The following PCDHGB5 variants were observed in gnomAD, a reference collection of about 807,000 sequenced individuals.
PCDHGB5 encodes the protein protocadherin gamma-B5.
In PCDHGB5, 48 loss-of-function variants were observed where a neutral mutation model predicts 62.9. The ratio of observed to expected loss-of-function variants is 0.76; its 90% CI spans 0.61 to 0.97. PCDHGB5 has a LOEUF of 0.97. Among genes scored for constraint, PCDHGB5 ranks in the 50% least tolerant of loss-of-function variants. PCDHGB5 has a pLI of 0.00. For synonymous variants in PCDHGB5, 474 were observed against 511.2 expected, an observed-to-expected ratio of 0.93 and a Z score of 0.98; for missense variants, 1,118 against 1,198.6, an observed-to-expected ratio of 0.93 and a Z score of 0.99.
At chr5:141,419,432 C>T (rs2096381830) in intron 1 of PCDHGB5, 1 of 1,613,278 alleles carries the variant, frequency 6.2e-7, no homozygotes, top group East Asian at 2.2e-5. Flanking sequence ...CCACGAGCAG[C>T]TGCGCACCTT....
At position 141,511,345 on chromosome 5, in the gene PCDHGB5, T is replaced by A; in HGVS notation, c.*172T>A. The A allele has an allele frequency of 7.8e-6, 11 of 1,410,508 alleles. No individual in the cohort carries two copies. The highest frequency in any genetic ancestry group is 1.0e-5 in the Non-Finnish European group (11 of 1,060,682). 87.4% of individuals were successfully genotyped at this position (1,410,508 alleles called of 1,614,324 possible). ...AAGTGCCCAGTCAGCACCTACCCCT[T>A]CCCCCCCAGGGGGTTGAATATGCAA... On this transcript the variant is annotated 3_prime_UTR_variant, in exon 4 of 4. Transcript: ENST00000617380.
intron 1 of PCDHGB5, chr5:141,423,625 A>G (rs375112361): frequency 1.6e-5 from 25 of 1,606,754 alleles, no homozygotes; most frequent in Admixed American, 6.8e-5. Flanking sequence ...AGACTCAGCT[A>G]TCATTTTAGG....
intron 1 of PCDHGB5, chr5:141,433,151 G>T (rs2097572071): frequency 1.2e-6 from 2 of 1,614,006 alleles, no homozygotes; most frequent in African/African-American, 1.3e-5. Context: ...AGGTGATTCG[G>T]TATTTTCTAA....
At chr5:141,414,899 G>T (rs756810046) in intron 1 of PCDHGB5, 1 of 1,614,182 alleles carries the variant, frequency 6.2e-7, no homozygotes, top group Non-Finnish European at 8.5e-7. Context: ...CCCACAGACG[G>T]TTCCACAGGC....
chr5:141,447,738 A>C (rs1365302023), intron 1 of PCDHGB5, among the ~76,000 whole-genome samples: 7 of 152,216 alleles, frequency 4.6e-5, no homozygotes, highest in Non-Finnish European at 8.8e-5. Context: ...ATTGAACTTA[A>C]GAGTCTTGCA....
chr5:141,431,790 C>T lies in PCDHGB5; in HGVS notation c.2397+31266C>T, dbSNP rs2097417829. On this transcript the variant is annotated intron_variant, in intron 1 of 3. Transcript: ENST00000617380. This position sits in a 1 kb window ranked among gnomAD's most constrained non-coding sequence, Gnocchi z 4.8. The stretch of plus-strand genomic sequence containing the variant: ...ACTGTTCTGGACGTGAACGACAATG[C>T]CCCAGAAGTGGTCCTCACCTCTCTC... 4.3e-6 allele frequency: 7 copies of T among 1,614,186 alleles called. No individual in the cohort carries two copies. The highest frequency in any genetic ancestry group is 5.9e-6 in the Non-Finnish European group (7 of 1,180,016).
chr5:141,438,599 T>C (rs1320902737), intron 1 of PCDHGB5, among the ~76,000 whole-genome samples: 17 of 32,510 alleles, frequency 5.2e-4, no homozygotes, highest in African/African-American at 6.7e-4. Flanking sequence ...TACATATATA[T>C]ATATATATAT....
At position 141,477,269 on chromosome 5, in the gene PCDHGB5, G is replaced by A; in HGVS notation, c.2398-17538G>A. On this transcript the variant is annotated intron_variant, in intron 1 of 3. Coordinates refer to ENST00000617380, the MANE Select transcript of PCDHGB5 (RefSeq NM_018925.3). This position sits in a 1 kb window ranked among gnomAD's most constrained non-coding sequence, Gnocchi z 4.9. Reference sequence around the variant, plus strand: ...GACTGACCTGGATGCTGGCGAGAACGGGCTGGTGACCTGCGAAGTTCCACC... The same window carrying A: ...GACTGACCTGGATGCTGGCGAGAACAGGCTGGTGACCTGCGAAGTTCCACC... 1.9e-6 allele frequency: 3 copies of A among 1,614,154 alleles called. No individual in the cohort carries two copies. Among genetic ancestry groups the A allele is most frequent in the Non-Finnish European group, 2.5e-6 (3 of 1,180,030 alleles).
At chr5:141,402,870 C>G in intron 1 of PCDHGB5, 1 of 1,449,300 alleles carries the variant, frequency 6.9e-7, no homozygotes, top group Non-Finnish European at 9.1e-7. Flanking sequence ...AAAAGATCAC[C>G]ATACTTTGCA....
intron 1 of PCDHGB5, among the ~76,000 whole-genome samples, chr5:141,447,023 GT>G (rs5871773): frequency 0.034 from 5,146 of 151,536 alleles, 101 homozygotes; most frequent in Middle Eastern, 0.088. Flanking sequence ...GTTTTGTTTT[GT>G]TTTTTTTCTG....
At chr5:141,499,966 G>A (rs1403177792) in intron 2 of PCDHGB5, among the ~76,000 whole-genome samples, 1 of 151,988 alleles carries the variant, frequency 6.6e-6, no homozygotes, top group African/African-American at 2.4e-5. Flanking sequence ...GGGATTACAG[G>A]TGTGAGCCAC....
intron 1 of PCDHGB5, among the ~76,000 whole-genome samples, chr5:141,483,203 A>G (rs940487337): frequency 6.6e-6 from 1 of 152,204 alleles, no homozygotes; most frequent in Admixed American, 6.5e-5. Flanking sequence ...ATTTTATTCC[A>G]TATAGATGAC....
chr5:141,438,545 A>C (rs915206342), intron 1 of PCDHGB5, among the ~76,000 whole-genome samples: 4 of 140,354 alleles, frequency 2.8e-5, no homozygotes, highest in Admixed American at 7.4e-5. Flanking sequence ...TCTATATCTA[A>C]GCCCTAATAA....
At chr5:141,423,783 A>G in intron 1 of PCDHGB5, 1 of 1,264,712 alleles carries the variant, frequency 7.9e-7, no homozygotes, top group South Asian at 1.9e-5. Context: ...TATTTAGTTC[A>G]TATATATTTA....
chr5:141,467,268 G>C lies in PCDHGB5; in HGVS notation c.2398-27539G>C, dbSNP rs1195615721. On this transcript the variant is annotated intron_variant, in intron 1 of 3. Transcript: ENST00000617380. The stretch of plus-strand genomic sequence containing the variant: ...GGGTTTCACCATGTTGGCCAGGCTG[G>C]TCTCGAACTCTTGACCTCAAGTGAT... Among the ~76,000 whole-genome samples, 3 of 152,030 alleles carry C rather than the reference G, an allele frequency of 2.0e-5. No homozygotes were observed. The South Asian group carries it at 6.2e-4, about 32-fold the overall frequency.
At chr5:141,428,362 G>T (rs868168419) in intron 1 of PCDHGB5, 2 of 556,756 alleles carry the variant, frequency 3.6e-6, no homozygotes, top group Non-Finnish European at 6.6e-6. Context: ...TTTGGCGGTC[G>T]CCTTGCACCT....
Position 141,486,294 on chromosome 5 carries a change from T to C in PCDHGB5, c.2398-8513T>C, listed in dbSNP as rs764106041. The C allele has an allele frequency of 1.2e-6, 2 of 1,614,036 alleles. No homozygotes were observed. The highest frequency in any genetic ancestry group is 1.7e-6 in the Non-Finnish European group (2 of 1,179,998). On this transcript the variant is annotated intron_variant, in intron 1 of 3. Transcript: ENST00000617380. The surrounding 1 kb of genome is among the most constrained non-coding windows in gnomAD (Gnocchi z 5.0). ...GGCACTGTGGTGGCACTTATCAGTG[T>C]GCAGGATCCAGACTCAGGGTCAAAC...
At chr5:141,438,607 T>C (rs924136790) in intron 1 of PCDHGB5, among the ~76,000 whole-genome samples, 2 of 27,412 alleles carry the variant, frequency 7.3e-5, no homozygotes. Flanking sequence ...TATATATATA[T>C]ATATATATAT....
chr5:141,452,830 T>A (rs2098749929), intron 1 of PCDHGB5, among the ~76,000 whole-genome samples: 1 of 152,166 alleles, frequency 6.6e-6, no homozygotes, highest in South Asian at 2.1e-4. Context: ...CAAAATCACT[T>A]GGTCCAGCCC....
Sources: gnomAD v4.1 joint callset for allele counts (sites outside exome capture counted in the v4.1 genomes callset) on GRCh38, gnomAD v4.1.1 for gene constraint, Gnocchi (gnomAD v3.1) non-coding constraint, MANE v1.5 for transcripts, NCBI Gene and HGNC (gene_info 2026-07-23, HGNC 2026-07-21) for gene names.